The following CTNND1 variants were observed in gnomAD, a reference collection of about 807,000 sequenced individuals.
CTNND1 encodes catenin delta-1.
CTNND1 carries 16 observed loss-of-function variants against 112.1 expected under a neutral mutation model. The observed-to-expected ratio is 0.14, with a 90% CI of 0.10 to 0.22. The LOEUF is 0.22. CTNND1 is among the 10% of genes least tolerant of loss of function. The pLI is 1.00. For synonymous variants in CTNND1, 420 were observed against 446.5 expected (o/e 0.94, Z 0.75); for missense variants, 1,008 against 1,257.0 (o/e 0.80, Z 3.00).
chr11:57,765,708 T>G (rs1417646664), intron 1 of CTNND1, among the ~76,000 whole-genome samples: 2 of 151,814 alleles, frequency 1.3e-5, no homozygotes, highest in Admixed American at 6.6e-5. Context: ...GCTCAAGCCA[T>G]CCTCCTACCT....
intron 1 of CTNND1, among the ~76,000 whole-genome samples, chr11:57,779,204 C>G (rs1565295171): frequency 1.3e-5 from 2 of 152,266 alleles, no homozygotes; most frequent in Admixed American, 1.3e-4. Context: ...TCTCATCCTT[C>G]CAATTGGCAC....
chr11:57,808,297 C>A lies in CTNND1; in HGVS notation c.2091+5C>A, dbSNP rs764581203. The A allele has an allele frequency of 2.5e-6, 4 of 1,606,410 alleles. No homozygotes were observed. The South Asian group carries it at 4.4e-5, about 18-fold the overall frequency. ...TTGTGTGCTGGGCGCTGGACGGTAC[C>A]TTTTAGAAAAGGGATTTGGAGATGG... On this transcript the variant is annotated splice_donor_5th_base_variant and intron_variant, in intron 13 of 20. Coordinates refer to ENST00000399050, the MANE Select transcript of CTNND1 (RefSeq NM_001085458.2).
At chr11:57,773,032 G>A (rs1953106674) in intron 1 of CTNND1, among the ~76,000 whole-genome samples, 1 of 152,140 alleles carries the variant, frequency 6.6e-6, no homozygotes, top group African/African-American at 2.4e-5. Context: ...CCTTTGTTCA[G>A]GTAACTGTAT....
In CTNND1 at chr11:57,815,895, C is replaced by T. The variant is rs777114407; in HGVS notation, c.2809-20C>T. The T allele has an allele frequency of 6.9e-6, 11 of 1,598,814 alleles. No homozygotes were observed. Among genetic ancestry groups the T allele is most frequent in the Non-Finnish European group, 8.5e-6 (10 of 1,173,280 alleles). ...AGGTTCCTGTCTCTACTCATACTAA[C>T]AAATTGCATGTGTTCACAGCAGGAC... On this transcript the variant is annotated intron_variant, in intron 19 of 20. Coordinates refer to ENST00000399050, the MANE Select transcript of CTNND1 (RefSeq NM_001085458.2).
Position 57,791,414 on chromosome 11 carries a change from T to C in CTNND1, c.-65T>C, listed in dbSNP as rs2060728217. The stretch of plus-strand genomic sequence containing the variant: ...AAGTGAGGGGGTCTCTCTCCCTCCT[T>C]CTCCTTCCTCTGTGATTCACCTTCC... On this transcript the variant is annotated 5_prime_UTR_variant, in exon 3 of 21. Coordinates refer to ENST00000399050, the MANE Select transcript of CTNND1 (RefSeq NM_001085458.2). 3 of 1,389,618 alleles carry C rather than the reference T, an allele frequency of 2.2e-6. No individual in the cohort carries two copies. Among genetic ancestry groups the C allele is most frequent in the Non-Finnish European group, 2.8e-6 (3 of 1,065,718 alleles). The allele number at this position is 1,389,618 out of a possible 1,614,324, so 86.1% of individuals were successfully genotyped here.
At chr11:57,763,231 C>A (rs141031596) in intron 1 of CTNND1, among the ~76,000 whole-genome samples, 111 of 152,146 alleles carry the variant, frequency 7.3e-4, no homozygotes, top group African/African-American at 2.5e-3. Context: ...AATTATATAG[C>A]CAACTCATCA....
rs2062979816 is a variant in CTNND1, at chr11:57,808,616, T to C, written c.2242+76T>C. On this transcript the variant is annotated intron_variant, in intron 14 of 20. Transcript: ENST00000399050. ...AGTCCAGCAGGTGCCTAATAATTTA[T>C]TGAATTTATTGAAATGACTGAAGGG... is the stretch of plus-strand genomic sequence containing the variant. 3 of 1,347,174 alleles carry C rather than the reference T, an allele frequency of 2.2e-6. No individual in the cohort carries two copies. In the East Asian group the frequency reaches 7.4e-5, roughly 33 times the overall value. 83.5% of individuals were successfully genotyped at this position (1,347,174 alleles called of 1,614,324 possible). A position where few individuals can be genotyped will look rare whatever the true frequency, so the allele number is the denominator to read the frequency against.
chr11:57,815,359 G>A, intron 18 of CTNND1, 35 bp from the exon 19 acceptor site: 1 of 1,301,254 alleles, frequency 7.7e-7, no homozygotes, highest in Non-Finnish European at 1.1e-6. Flanking sequence ...AGAGGGGAAT[G>A]TCATATTTCT....
In CTNND1 at chr11:57,789,024, A is replaced by C. The variant is rs2060418203; in HGVS notation, c.-213-13A>C. On this transcript the variant is annotated splice_polypyrimidine_tract_variant and intron_variant, in intron 1 of 20. Coordinates refer to ENST00000399050, the MANE Select transcript of CTNND1 (RefSeq NM_001085458.2). Reference sequence around the variant, plus strand: ...TCCTCTCATTCCCATTTTTCCTTCAAATATTTCTGCAGCTCTCTCCTTCCT... The same window carrying C: ...TCCTCTCATTCCCATTTTTCCTTCACATATTTCTGCAGCTCTCTCCTTCCT... 2.0e-6 allele frequency: 3 copies of C among 1,525,588 alleles called. No individual in the cohort carries two copies. Among genetic ancestry groups the C allele is most frequent in the Non-Finnish European group, 1.8e-6 (2 of 1,138,024 alleles). The allele number at this position is 1,525,588 out of a possible 1,614,324, so 94.5% of individuals were successfully genotyped here. A position where few individuals can be genotyped will look rare whatever the true frequency, so the allele number is the denominator to read the frequency against.
chr11:57,812,505 G>A (rs187931722), intron 17 of CTNND1, among the ~76,000 whole-genome samples: 2 of 152,086 alleles, frequency 1.3e-5, no homozygotes, highest in African/African-American at 2.4e-5. Context: ...GGGCGACAGA[G>A]TTGAGACTCC....
Position 57,796,717 on chromosome 11 carries a change from C to T in CTNND1, c.681C>T (p.Asn227=). 1 of 1,614,042 alleles carries T rather than the reference C, an allele frequency of 6.2e-7. No individual in the cohort carries two copies. Among genetic ancestry groups the T allele is most frequent in the Non-Finnish European group, 8.5e-7 (1 of 1,179,898 alleles). ...YEDGYPGGSD[N]YGSLSRVTRI... Reference sequence around the variant, plus strand: ...ATGGTTATCCAGGTGGCAGTGATAACTATGGCAGTCTGTCCCGGGTGACCC... The same window carrying T: ...ATGGTTATCCAGGTGGCAGTGATAATTATGGCAGTCTGTCCCGGGTGACCC... The change falls in exon 6 of 21, where the codon AAC becomes AAT. Residue 227 remains asparagine (N), a synonymous_variant. Coordinates refer to ENST00000399050, the MANE Select transcript of CTNND1 (RefSeq NM_001085458.2).
chr11:57,797,004 T>C lies in CTNND1; in HGVS notation c.956+12T>C, dbSNP rs2061412079. 4 of 1,449,114 alleles carry C rather than the reference T, an allele frequency of 2.8e-6. No homozygotes were observed. Among genetic ancestry groups the C allele is most frequent in the South Asian group, 1.6e-5 (1 of 60,822 alleles). 89.8% of individuals were successfully genotyped at this position (1,449,114 alleles called of 1,614,324 possible). ...CGTCGGCGCCTCAGGTAGGCAAGAA[T>C]AGGGGAAGAGAAAAGGGTCTTTCCA... On this transcript the variant is annotated intron_variant, in intron 6 of 20. Coordinates refer to ENST00000399050, the MANE Select transcript of CTNND1 (RefSeq NM_001085458.2).
chr11:57,801,380 C>A (rs1196195151), intron 6 of CTNND1, among the ~76,000 whole-genome samples: 2 of 152,116 alleles, frequency 1.3e-5, no homozygotes, highest in African/African-American at 4.8e-5. Context: ...CTGATCTCTA[C>A]CTAGACAAGT....
At chr11:57,768,528 G>T (rs1223636812) in intron 1 of CTNND1, among the ~76,000 whole-genome samples, 1 of 151,222 alleles carries the variant, frequency 6.6e-6, no homozygotes, top group Non-Finnish European at 1.5e-5. Context: ...CGAGTAGCTG[G>T]GACTACAGGC....
intron 1 of CTNND1, among the ~76,000 whole-genome samples, chr11:57,764,435 A>G (rs993047003): frequency 8.5e-5 from 13 of 152,332 alleles, no homozygotes; most frequent in Admixed American, 2.0e-4. Context: ...CCAGGGATGA[A>G]TGAGATAGGA....
chr11:57,815,847 C>T, intron 19 of CTNND1, 68 bp from the exon 20 acceptor site: 3 of 1,367,766 alleles, frequency 2.2e-6, no homozygotes, highest in African/African-American at 1.5e-5. Context: ...TCAGAGTTTC[C>T]CTAGCTCTGG....
intron 1 of CTNND1, among the ~76,000 whole-genome samples, chr11:57,782,990 T>C (rs2059738343): frequency 6.6e-6 from 1 of 152,190 alleles, no homozygotes. Context: ...TGACTGAGCA[T>C]GAAGGTGGAA....
At chr11:57,779,333 A>G (rs528315652) in intron 1 of CTNND1, among the ~76,000 whole-genome samples, 7 of 152,206 alleles carry the variant, frequency 4.6e-5, no homozygotes, top group Admixed American at 2.6e-4. Context: ...TTTCTTCCCT[A>G]TGTCTAGACT....
intron 18 of CTNND1, among the ~76,000 whole-genome samples, chr11:57,814,955 GTCTTC>G (rs1355892247): frequency 6.6e-6 from 1 of 151,968 alleles, no homozygotes; most frequent in African/African-American, 2.4e-5. Context: ...TATACATATT[GTCTTC>G]CATCTTAGAT....
Sources: gnomAD v4.1 joint callset for allele counts (sites outside exome capture counted in the v4.1 genomes callset) on GRCh38, gnomAD v4.1.1 for gene constraint, MANE v1.5 for transcripts, NCBI Gene and HGNC (gene_info 2026-07-23, HGNC 2026-07-21) for gene names.